Variants in CLDN10 observed in about 807,000 individuals in gnomAD.
CLDN10 encodes the protein claudin-10.
CLDN10 carries 15 observed loss-of-function variants against 22.9 expected under a neutral mutation model. The ratio of observed to expected loss-of-function variants is 0.65; its 90% confidence interval spans 0.44 to 1.01. The LOEUF (loss-of-function observed/expected upper bound fraction) is 1.01. CLDN10 is among the 50% of genes least tolerant of loss of function. CLDN10 has a pLI of 0.00. For synonymous variants in CLDN10, 114 were observed against 111.4 expected, an observed-to-expected ratio of 1.02 and a Z score of -0.15; for missense variants, 247 against 287.8, an observed-to-expected ratio of 0.86 and a Z score of 1.03.
chr13:95,506,102 T>C (rs1020704188), intron 1 of CLDN10, among the ~76,000 whole-genome samples: 1 of 152,170 alleles, frequency 6.6e-6, no homozygotes, highest in Non-Finnish European at 1.5e-5. Flanking sequence ...GAATTCAACC[T>C]CACTGCTTAA....
intron 1 of CLDN10, among the ~76,000 whole-genome samples, chr13:95,478,125 C>G (rs2139111144): frequency 6.6e-6 from 1 of 150,532 alleles, no homozygotes; most frequent in East Asian, 2.0e-4. Context: ...GCCAACATGG[C>G]AAAACACCAT....
chr13:95,466,378 T>C (rs896299878), intron 1 of CLDN10, among the ~76,000 whole-genome samples: 1 of 152,160 alleles, frequency 6.6e-6, no homozygotes. Flanking sequence ...GCTTGTCTGA[T>C]GTGTTGGGTA....
intron 1 of CLDN10, among the ~76,000 whole-genome samples, chr13:95,480,692 C>T (rs967796391): frequency 2.0e-5 from 3 of 152,166 alleles, no homozygotes; most frequent in Non-Finnish European, 2.9e-5. Flanking sequence ...TAATCAAAAA[C>T]GGGACCCAGG....
rs115634909 is a variant in CLDN10, at chr13:95,565,454, T to C, written c.464+4991T>C. 8.9e-3 allele frequency among the ~76,000 whole-genome samples: 1,359 copies of C among 152,348 alleles called. 21 individuals are homozygous for C. The highest frequency in any genetic ancestry group is 0.031 in the African/African-American group (1,295 of 41,570). On this transcript the variant is annotated intron_variant, in intron 3 of 4. Transcript: ENST00000299339. ...CCGTTAATATTTTGGCCCAGCTATT[T>C]TTGTGTTGGGGTCTTATCATCCTCT... is the stretch of plus-strand genomic sequence containing the variant.
chr13:95,517,371 A>G (rs1009836076), intron 1 of CLDN10, among the ~76,000 whole-genome samples: 1 of 152,126 alleles, frequency 6.6e-6, no homozygotes, highest in African/African-American at 2.4e-5. Flanking sequence ...CACCCCCCGA[A>G]CCTAGGGATC....
At chr13:95,476,208 G>C (rs1203295384) in intron 1 of CLDN10, among the ~76,000 whole-genome samples, 1 of 152,016 alleles carries the variant, frequency 6.6e-6, no homozygotes. Context: ...TGGAGCTCAA[G>C]AGGGGAGCCT....
chr13:95,577,360 G>T (rs2043948815), intron 4 of CLDN10, 22 bp downstream of exon 4: 2 of 1,450,674 alleles, frequency 1.4e-6, no homozygotes, highest in African/African-American at 1.4e-5. Flanking sequence ...AGACAAAAAT[G>T]ACCTGTTAAA....
intron 1 of CLDN10, among the ~76,000 whole-genome samples, chr13:95,448,189 C>T (rs887826832): frequency 6.6e-6 from 1 of 152,066 alleles, no homozygotes; most frequent in Non-Finnish European, 1.5e-5. Context: ...ACGCAGACAC[C>T]TCAACACACT....
At chr13:95,566,751 TTA>T (rs1312839297) in intron 3 of CLDN10, among the ~76,000 whole-genome samples, 1 of 152,260 alleles carries the variant, frequency 6.6e-6, no homozygotes, top group Non-Finnish European at 1.5e-5. Flanking sequence ...TTTTATGGTT[TTA>T]TGTCTTACAT....
chr13:95,577,945 G>A lies in CLDN10; in HGVS notation c.618G>A (p.Lys206=). Residue 206 remains lysine (K), a synonymous_variant, in exon 5 of 5, where the codon AAG becomes AAA. Transcript: ENST00000299339. ...CATCTGTCATGTCTTCTCGGACAAA[G>A]TATCATGGTGGAGAAGATTTTAAAA... ...GATSVMSSRT[K]YHGGEDFKTT... 3 of 1,613,896 alleles carry A rather than the reference G, an allele frequency of 1.9e-6. No individual in the cohort carries two copies. The highest frequency in any genetic ancestry group is 2.2e-5 in the South Asian group (2 of 91,062).
At chr13:95,466,561 C>A (rs2042582873) in intron 1 of CLDN10, among the ~76,000 whole-genome samples, 1 of 151,574 alleles carries the variant, frequency 6.6e-6, no homozygotes, top group Admixed American at 6.6e-5. Context: ...AAATGGGAAC[C>A]CTCCTCATGA....
chr13:95,578,788 C>T lies in CLDN10; in HGVS notation c.*774C>T, dbSNP rs911422688. On this transcript the variant is annotated 3_prime_UTR_variant, in exon 5 of 5. Coordinates refer to ENST00000299339, the MANE Select transcript of CLDN10 (RefSeq NM_006984.5). The stretch of plus-strand genomic sequence containing the variant: ...CATAAACGATGCTGTGATGAAGACT[C>T]ATGTACATATTTAGCAAATTTTGGT... 3 of 152,174 alleles carry T rather than the reference C, an allele frequency of 2.0e-5. No individual in the cohort carries two copies. The highest frequency in any genetic ancestry group is 2.0e-4 in the Admixed American group (3 of 15,278). 9.4% of individuals were successfully genotyped at this position (152,174 alleles called of 1,614,324 possible).
intron 1 of CLDN10, among the ~76,000 whole-genome samples, chr13:95,471,440 C>CACACAT (rs746573300): frequency 3.5e-4 from 37 of 104,370 alleles, no homozygotes; most frequent in African/African-American, 1.4e-3. Flanking sequence ...CACACACACA[C>CACACAT]ATATATATAT....
At chr13:95,494,884 C>A (rs2042911574) in intron 1 of CLDN10, among the ~76,000 whole-genome samples, 1 of 152,086 alleles carries the variant, frequency 6.6e-6, no homozygotes. Context: ...AATTTGTTAT[C>A]TTTCTGCCAG....
At chr13:95,483,123 G>A (rs1173441379) in intron 1 of CLDN10, among the ~76,000 whole-genome samples, 6 of 152,232 alleles carry the variant, frequency 3.9e-5, no homozygotes, top group African/African-American at 1.4e-4. Flanking sequence ...CTGCTGAGGA[G>A]GGGAGAGTGA....
chr13:95,466,823 T>G (rs973191971), intron 1 of CLDN10, among the ~76,000 whole-genome samples: 1 of 151,946 alleles, frequency 6.6e-6, no homozygotes, highest in Admixed American at 6.6e-5. Flanking sequence ...GATCTTGTAT[T>G]CTTCAACAAT....
chr13:95,459,385 C>T (rs1432583672), intron 1 of CLDN10, among the ~76,000 whole-genome samples: 4 of 152,244 alleles, frequency 2.6e-5, no homozygotes, highest in African/African-American at 9.6e-5. Flanking sequence ...GAGGGCTCCA[C>T]CCCTGCCACA....
chr13:95,477,602 T>C (rs1338594628), intron 1 of CLDN10, among the ~76,000 whole-genome samples: 1 of 151,494 alleles, frequency 6.6e-6, no homozygotes, highest in Non-Finnish European at 1.5e-5. Context: ...ACATGGTTAA[T>C]ACAGAAGCAG....
At chr13:95,560,572 T>C in intron 3 of CLDN10, 109 bp downstream of exon 3, 1 of 796,426 alleles carries the variant, frequency 1.3e-6, no homozygotes, top group South Asian at 1.7e-5. Context: ...TAAGACATAC[T>C]GATAAATGGT....
Sources: allele counts gnomAD v4.1 joint callset (sites outside exome capture counted in the v4.1 genomes callset), GRCh38; gene constraint gnomAD v4.1.1; transcripts MANE v1.5; gene names NCBI Gene and HGNC (gene_info 2026-07-23, HGNC 2026-07-21).